RUNX1: variants seen among roughly 807,000 people sequenced by gnomAD.
RUNX1 encodes the protein RUNX family transcription factor 1.
A neutral mutation model predicts 42.8 loss-of-function variants in RUNX1; 19 were observed. The ratio of observed to expected loss-of-function variants is 0.44; its 90% confidence interval spans 0.31 to 0.65. RUNX1 has a LOEUF of 0.65. Ranked by LOEUF, RUNX1 falls within the 30% of genes least tolerant of loss-of-function variation. The probability of loss-of-function intolerance (pLI) is 0.07; values close to 1 mark genes in which losing one functional copy is unlikely to be tolerated. For synonymous variants in RUNX1, 271 were observed against 289.4 expected, an observed-to-expected ratio of 0.94 and a Z score of 0.64; for missense variants, 528 against 672.0, an observed-to-expected ratio of 0.79 and a Z score of 2.37.
At chr21:34,840,548 T>G (rs192844693) in intron 6 of RUNX1, among the ~76,000 whole-genome samples, 6 of 152,292 alleles carry the variant, frequency 3.9e-5, no homozygotes, top group Admixed American at 3.3e-4. Context: ...CTAAGCACGG[T>G]CTTTCTTGAA....
chr21:34,895,785 C>T (rs901120893), intron 2 of RUNX1, among the ~76,000 whole-genome samples: 2 of 151,990 alleles, frequency 1.3e-5, no homozygotes, highest in Non-Finnish European at 2.9e-5. Flanking sequence ...GCACAAGCAA[C>T]CTGAGGAAAT....
At chr21:34,947,198 A>G (rs749290618) in intron 2 of RUNX1, among the ~76,000 whole-genome samples, 31 of 152,222 alleles carry the variant, frequency 2.0e-4, no homozygotes, top group Non-Finnish European at 4.3e-4. Context: ...ATTATAATGC[A>G]CAATATAGCC....
At chr21:34,833,307 T>C (rs1216000563) in intron 7 of RUNX1, 2 of 152,308 alleles carry the variant, frequency 1.3e-5, no homozygotes, top group African/African-American at 4.8e-5. Context: ...GGTTTCACCA[T>C]GTTAGCCAGG....
intron 2 of RUNX1, among the ~76,000 whole-genome samples, chr21:34,979,686 T>C (rs999350467): frequency 2.0e-5 from 3 of 152,244 alleles, no homozygotes; most frequent in Non-Finnish European, 4.4e-5. Flanking sequence ...CTATATATTA[T>C]CTGGCAAGTC....
chr21:34,925,216 C>T (rs1289305605), intron 2 of RUNX1, among the ~76,000 whole-genome samples: 2 of 152,174 alleles, frequency 1.3e-5, no homozygotes, highest in Admixed American at 1.3e-4. Context: ...TATCTGAAAA[C>T]ATAATTATAC....
chr21:35,047,646 T>C (rs1266689228), intron 2 of RUNX1, among the ~76,000 whole-genome samples: 1 of 147,194 alleles, frequency 6.8e-6, no homozygotes, highest in African/African-American at 2.5e-5. Context: ...GCCCCGTGCA[T>C]TCACAATAGC....
intron 2 of RUNX1, among the ~76,000 whole-genome samples, chr21:34,939,648 A>AGAGAG (rs2058512171): frequency 6.6e-6 from 1 of 152,176 alleles, no homozygotes; most frequent in Non-Finnish European, 1.5e-5. Flanking sequence ...CCACTGCAAC[A>AGAGAG]GGGGCTAACT....
intron 2 of RUNX1, among the ~76,000 whole-genome samples, chr21:35,043,316 A>T (rs556799359): frequency 1.3e-5 from 2 of 152,292 alleles, no homozygotes; most frequent in African/African-American, 4.8e-5. Context: ...AAAGAAGGGG[A>T]CTGGTGGCAT....
Position 34,828,374 on chromosome 21 carries a change from C to A in RUNX1, c.805+6036G>T, listed in dbSNP as rs146003723. Among the ~76,000 whole-genome samples the A allele has an allele frequency of 4.7e-4, 71 of 152,252 alleles. No individual in the cohort carries two copies. In the East Asian group the frequency reaches 0.012, roughly 26 times the overall value. ...TATATTTTGGAAGTATTATAGTAGA[C>A]TTGTTTTTGATTTCACAAAGCTAAT... On this transcript the variant is annotated intron_variant, in intron 7 of 8. Transcript: ENST00000675419.
intron 2 of RUNX1, among the ~76,000 whole-genome samples, chr21:34,949,988 T>C (rs2058594931): frequency 6.6e-6 from 1 of 152,216 alleles, no homozygotes; most frequent in African/African-American, 2.4e-5. Context: ...ACTGACATCA[T>C]AGGATCATAG....
chr21:34,946,011 T>C (rs2058560931), intron 2 of RUNX1, among the ~76,000 whole-genome samples: 1 of 152,178 alleles, frequency 6.6e-6, no homozygotes, highest in African/African-American at 2.4e-5. Context: ...CGTTCTCCTG[T>C]TCTCCTAGAG....
At chr21:34,946,196 G>A (rs1440356659) in intron 2 of RUNX1, among the ~76,000 whole-genome samples, 2 of 152,148 alleles carry the variant, frequency 1.3e-5, no homozygotes, top group African/African-American at 4.8e-5. Context: ...TGCCTCACAC[G>A]TTTTGCAGAT....
chr21:35,042,872 C>A (rs2059369448), intron 2 of RUNX1, among the ~76,000 whole-genome samples: 1 of 152,192 alleles, frequency 6.6e-6, no homozygotes. Context: ...TCTGTCACTG[C>A]AATAAAATAC....
chr21:34,887,541 C>A (rs2058016342), intron 3 of RUNX1: 1 of 1,129,462 alleles, frequency 8.9e-7, no homozygotes, highest in Non-Finnish European at 1.1e-6. Flanking sequence ...GTAGTTAATG[C>A]CTGTCAGTTT....
chr21:34,891,606 C>G (rs1482018232), intron 3 of RUNX1, among the ~76,000 whole-genome samples: 2 of 152,056 alleles, frequency 1.3e-5, no homozygotes, highest in African/African-American at 4.8e-5. Flanking sequence ...CAGAATTCCC[C>G]TTCCTTTGCC....
At chr21:34,992,043 T>A (rs990700759) in intron 2 of RUNX1, among the ~76,000 whole-genome samples, 15 of 152,230 alleles carry the variant, frequency 9.9e-5, no homozygotes, top group African/African-American at 3.6e-4. Flanking sequence ...TTTGGACTTC[T>A]GGCGTCCAAA....
chr21:35,011,365 G>T (rs2059125508), intron 2 of RUNX1, among the ~76,000 whole-genome samples: 2 of 151,972 alleles, frequency 1.3e-5, no homozygotes. Context: ...CCAGCTCCGG[G>T]GCAGTGAGAC....
At chr21:34,800,629 A>G (rs905620263) in intron 7 of RUNX1, among the ~76,000 whole-genome samples, 1 of 152,210 alleles carries the variant, frequency 6.6e-6, no homozygotes, top group Non-Finnish European at 1.5e-5. Flanking sequence ...TGCTTCCTCC[A>G]GGGGCTTTTC....
chr21:34,851,508 A>T (rs2057418145), intron 6 of RUNX1, among the ~76,000 whole-genome samples: 1 of 152,220 alleles, frequency 6.6e-6, no homozygotes, highest in Non-Finnish European at 1.5e-5. Flanking sequence ...CCAGTGTGAA[A>T]ACCCAGGTCC....
Sources: gnomAD v4.1 joint callset for allele counts (sites outside exome capture counted in the v4.1 genomes callset) on GRCh38, gnomAD v4.1.1 for gene constraint, MANE v1.5 for transcripts, NCBI Gene and HGNC (gene_info 2026-07-23, HGNC 2026-07-21) for gene names.